The following JMJD1C variants were observed in gnomAD, a reference collection of about 807,000 sequenced individuals.
The protein encoded by JMJD1C is jumonji domain containing 1C, also known as jumonji domain-containing protein 1C.
In JMJD1C, 31 loss-of-function variants were observed where a neutral mutation model predicts 245.3. The observed-to-expected ratio is 0.13, with a 90% CI of 0.09 to 0.17. JMJD1C has a LOEUF of 0.17. Among genes scored for constraint, JMJD1C ranks in the 10% least tolerant of loss-of-function variants. The probability of loss-of-function intolerance (pLI) is 1.00; values close to 1 mark genes in which losing one functional copy is unlikely to be tolerated. For missense variants in JMJD1C, 2,691 were observed against 3,000.2 expected (o/e 0.90, Z 2.41); for synonymous variants, 1,057 against 1,017.4 (o/e 1.04, Z -0.74).
chr10:63,189,138 G>A (rs767204309), intron 18 of JMJD1C, 30 bp downstream of exon 18: 44 of 1,559,450 alleles, frequency 2.8e-5, no homozygotes, highest in Non-Finnish European at 3.2e-5. Context: ...GTTCCACCAA[G>A]AGTGTTCTTT....
chr10:63,265,463 T>C (rs752334620), intron 2 of JMJD1C, among the ~76,000 whole-genome samples: 2 of 152,110 alleles, frequency 1.3e-5, no homozygotes, highest in Non-Finnish European at 2.9e-5. Flanking sequence ...CTTTAACATA[T>C]GAGATTTAAC....
chr10:63,403,694 T>C (rs1203557348), intron 1 of JMJD1C, among the ~76,000 whole-genome samples: 1 of 152,218 alleles, frequency 6.6e-6, no homozygotes, highest in Admixed American at 6.5e-5. Flanking sequence ...ATCCCACCAC[T>C]TTGGGAGGCC....
At chr10:63,265,337 G>C (rs1321939318) in intron 2 of JMJD1C, among the ~76,000 whole-genome samples, 3 of 151,154 alleles carry the variant, frequency 2.0e-5, no homozygotes, top group Non-Finnish European at 4.4e-5. Flanking sequence ...GAAGGGAGTA[G>C]AGAGAGTCCG....
chr10:63,191,162 C>CAAA, intron 16 of JMJD1C, 54 bp from the exon 17 acceptor site: 12 of 1,437,762 alleles, frequency 8.3e-6, no homozygotes, highest in African/African-American at 1.4e-5. Context: ...GACGGAGTCT[C>CAAA]ATTCTGTCGC....
At chr10:63,449,166 T>C (rs7085621) in intron 1 of JMJD1C, among the ~76,000 whole-genome samples, 63,971 of 152,014 alleles carry the variant, frequency 0.42, 14,200 homozygotes, top group South Asian at 0.53. Context: ...TTCTAATATA[T>C]ACTTGCTTTG....
At position 63,214,841 on chromosome 10, in the gene JMJD1C, T is replaced by C. The variant is rs2133225925; in HGVS notation, c.1326A>G (p.Lys442=). The change falls in exon 8 of 26, where the codon AAA becomes AAG. Residue 442 remains lysine (K), a synonymous_variant. Coordinates refer to ENST00000399262, the MANE Select transcript of JMJD1C (RefSeq NM_032776.3). ...PPWDQIQEDK[K]HEEAEKRKSV... Reference sequence around the variant, plus strand: ...ACTTCCGCTTCTCTGCTTCTTCATGTTTTTTATCTTCCTGTATTTGATCCC... The same window carrying C: ...ACTTCCGCTTCTCTGCTTCTTCATGCTTTTTATCTTCCTGTATTTGATCCC... 1 of 1,614,038 alleles carries C rather than the reference T, an allele frequency of 6.2e-7. No homozygotes were observed. Among genetic ancestry groups the C allele is most frequent in the Non-Finnish European group, 8.5e-7 (1 of 1,179,986 alleles).
chr10:63,321,088 C>A (rs535138484), intron 2 of JMJD1C, among the ~76,000 whole-genome samples: 1 of 152,220 alleles, frequency 6.6e-6, no homozygotes, highest in Non-Finnish European at 1.5e-5. Context: ...AACACATCCA[C>A]GTGCCAGGTG....
At chr10:63,338,062 G>A (rs747772645) in intron 2 of JMJD1C, among the ~76,000 whole-genome samples, 4 of 152,048 alleles carry the variant, frequency 2.6e-5, no homozygotes, top group Non-Finnish European at 4.4e-5. Context: ...TTTTCACAGC[G>A]GTAAAAGACC....
chr10:63,267,156 A>G (rs1855675689), intron 2 of JMJD1C, among the ~76,000 whole-genome samples: 1 of 152,216 alleles, frequency 6.6e-6, no homozygotes, highest in African/African-American at 2.4e-5. Context: ...TGCTTCTTAA[A>G]TAGCAAATAA....
At chr10:63,313,069 A>C (rs1939446067) in intron 2 of JMJD1C, among the ~76,000 whole-genome samples, 2 of 152,204 alleles carry the variant, frequency 1.3e-5, no homozygotes, top group South Asian at 4.2e-4. Context: ...CACTGAACCC[A>C]ATTTGTAGTC....
intron 1 of JMJD1C, chr10:63,521,610 G>A (rs1284790382): frequency 9.4e-6 from 13 of 1,385,316 alleles, no homozygotes; most frequent in Non-Finnish European, 1.2e-5. Context: ...TGCAGCCGGC[G>A]CGAGGCCCAG....
chr10:63,210,127 C>T (rs1206451123), intron 8 of JMJD1C, among the ~76,000 whole-genome samples: 2 of 151,698 alleles, frequency 1.3e-5, no homozygotes, highest in African/African-American at 2.4e-5. Flanking sequence ...ATAAACCCCA[C>T]ATAAGAGAAA....
At chr10:63,326,567 A>C (rs999003649) in intron 2 of JMJD1C, among the ~76,000 whole-genome samples, 2 of 151,714 alleles carry the variant, frequency 1.3e-5, no homozygotes, top group Non-Finnish European at 2.9e-5. Flanking sequence ...GACATTGGAC[A>C]CTGACACATT....
intron 2 of JMJD1C, among the ~76,000 whole-genome samples, chr10:63,352,315 T>G (rs892822813): frequency 6.6e-6 from 1 of 152,120 alleles, no homozygotes; most frequent in African/African-American, 2.4e-5. Context: ...TGATAAAAGT[T>G]TATTAGATAC....
At position 63,508,322 on chromosome 10, in the gene JMJD1C, G is replaced by A. The variant is rs1252826342; in HGVS notation, n.113+13416C>T. Among the ~76,000 whole-genome samples the A allele has an allele frequency of 2.0e-5, 3 of 152,236 alleles. No individual in the cohort carries two copies. The South Asian group carries it at 6.2e-4, about 32-fold the overall frequency. On this transcript the variant is annotated intron_variant and non_coding_transcript_variant, in intron 1 of 3. Coordinates refer to the JMJD1C transcript ENST00000633035. ...CAAGGGTCTGTGTCTGGGCTCTATT[G>A]TGTTCCACTGATCTATTGGTCTATT... is the stretch of plus-strand genomic sequence containing the variant.
At chr10:63,497,584 G>C (rs142620744) in intron 1 of JMJD1C, among the ~76,000 whole-genome samples, 6 of 152,222 alleles carry the variant, frequency 3.9e-5, no homozygotes, top group African/African-American at 1.4e-4. Context: ...ACAGCTCTGT[G>C]AACATGCTAA....
intron 13 of JMJD1C, among the ~76,000 whole-genome samples, chr10:63,195,026 C>T (rs1218820963): frequency 2.6e-5 from 4 of 152,108 alleles, no homozygotes. Context: ...ACAAGAGTTT[C>T]AGTGTCACAA....
chr10:63,423,833 A>G (rs1201006894), intron 1 of JMJD1C, among the ~76,000 whole-genome samples: 1 of 152,244 alleles, frequency 6.6e-6, no homozygotes, highest in Non-Finnish European at 1.5e-5. Context: ...ATTTTTTAAA[A>G]AAATTATAGT....
chr10:63,171,043 A>T (rs770007053), intron 24 of JMJD1C, among the ~76,000 whole-genome samples: 23 of 152,196 alleles, frequency 1.5e-4, no homozygotes, highest in Non-Finnish European at 3.1e-4. Flanking sequence ...GTGTGGAAAG[A>T]TTTTGCCAAG....
Sources: allele counts gnomAD v4.1 joint callset (sites outside exome capture counted in the v4.1 genomes callset), GRCh38; gene constraint gnomAD v4.1.1; transcripts MANE v1.5; gene names NCBI Gene and HGNC (gene_info 2026-07-23, HGNC 2026-07-21).